VDR: variants seen among roughly 807,000 people sequenced by gnomAD.
The protein encoded by VDR is vitamin D receptor, also known as vitamin D3 receptor.
A neutral mutation model predicts 39.7 loss-of-function variants in VDR; 19 were observed. The ratio of observed to expected loss-of-function variants is 0.48; its 90% CI spans 0.33 to 0.70. The LOEUF (loss-of-function observed/expected upper bound fraction) is 0.70, where lower values mean the gene tolerates loss of function less well. Among genes scored for constraint, VDR ranks in the 30% least tolerant of loss-of-function variants. The probability of loss-of-function intolerance (pLI) is 0.02; values close to 1 mark genes in which losing one functional copy is unlikely to be tolerated. For missense variants in VDR, 442 were observed against 570.5 expected (o/e 0.77, Z 2.29); for synonymous variants, 242 against 215.8 (o/e 1.12, Z -1.07).
intron 1 of VDR, chr12:47,904,529 C>T (rs1352691312): frequency 2.0e-6 from 3 of 1,504,074 alleles, no homozygotes; most frequent in African/African-American, 1.4e-5. Context: ...GTGACCATAC[C>T]TGGGCCCTGT....
At position 47,857,487 on chromosome 12, in the gene VDR, C is replaced by T. The variant is rs778740290; in HGVS notation, c.462+17G>A. 2 of 1,614,164 alleles carry T rather than the reference C, an allele frequency of 1.2e-6. No individual in the cohort carries two copies. The highest frequency in any genetic ancestry group is 4.5e-5 in the East Asian group (2 of 44,880). ...TTCTCCTCTGGACCGGCTCATCCTCCCAGCAGGCAGACATACCCGGAACTG... is the reference window on the plus strand; with the variant it reads ...TTCTCCTCTGGACCGGCTCATCCTCTCAGCAGGCAGACATACCCGGAACTG... On this transcript the variant is annotated intron_variant, in intron 5 of 9. Transcript: ENST00000549336.
At chr12:47,855,339 AAAATAAAT>A (rs11574093) in intron 7 of VDR, among the ~76,000 whole-genome samples, 124 of 146,546 alleles carry the variant, frequency 8.5e-4, no homozygotes, top group Middle Eastern at 3.4e-3. Flanking sequence ...AAAAAAAATA[AAAATAAAT>A]AAATAAATAA....
At chr12:47,883,973 GGAGGTGTCTGCT>G (rs1230988513) in intron 1 of VDR, among the ~76,000 whole-genome samples, 1 of 152,248 alleles carries the variant, frequency 6.6e-6, no homozygotes, top group Non-Finnish European at 1.5e-5. Context: ...ATGGGCAGTG[GGAGGTGTCTGCT>G]GAGGACAGGC....
At chr12:47,869,049 C>T (rs1430385065) in intron 3 of VDR, among the ~76,000 whole-genome samples, 1 of 152,254 alleles carries the variant, frequency 6.6e-6, no homozygotes, top group Non-Finnish European at 1.5e-5. Flanking sequence ...AGGGAGCCTG[C>T]CTTTGACCCT....
Position 47,844,660 on chromosome 12 carries a change from G to A in VDR, c.*86C>T, listed in dbSNP as rs1045904284. On this transcript the variant is annotated 3_prime_UTR_variant, in exon 10 of 10. Transcript: ENST00000549336. ...GGCTGAACCCCAGACGGGGTGAGGA[G>A]GGCTGCTGAGTAGCCGCCAGCCCCG... 10 of 1,584,500 alleles carry A rather than the reference G, an allele frequency of 6.3e-6. No homozygotes were observed. Among genetic ancestry groups the A allele is most frequent in the Admixed American group, 5.0e-5 (3 of 59,514 alleles).
rs12812972 is a variant in VDR at position 47,904,994 on chromosome 12, C to G, written c.-123G>C. 5.8e-6 allele frequency: 1 copy of G among 171,688 alleles called. No homozygotes were observed. The highest frequency in any genetic ancestry group is 1.3e-4 in the South Asian group (1 of 7,882). 10.6% of individuals were successfully genotyped at this position (171,688 alleles called of 1,614,324 possible). A position where few individuals can be genotyped will look rare whatever the true frequency, so the allele number is the denominator to read the frequency against. On this transcript the variant is annotated 5_prime_UTR_variant, in exon 1 of 10. Coordinates refer to ENST00000549336, the MANE Select transcript of VDR (RefSeq NM_000376.3). The stretch of plus-strand genomic sequence containing the variant: ...GGGTGGACAAGCTGTTCCGCGCTCC[C>G]GGCGCACACGGCTCCGCTGCCGCCT...
chr12:47,890,276 G>A (rs1946342795), intron 1 of VDR, among the ~76,000 whole-genome samples: 1 of 150,544 alleles, frequency 6.6e-6, no homozygotes, highest in Non-Finnish European at 1.5e-5. Flanking sequence ...CCACATGAGG[G>A]ACTATTTCAA....
rs375915983 is a variant in VDR at position 47,899,497 on chromosome 12, T to C, written c.-84+5458A>G. ...AAATAACTTGCCCAAGGTCACAAGC[T>C]ACAAAGCGACCTCGCCAAGATTTGA... On this transcript the variant is annotated intron_variant, in intron 1 of 9. Transcript: ENST00000549336. Among the ~76,000 whole-genome samples the C allele has an allele frequency of 1.3e-4, 20 of 152,366 alleles. No homozygotes were observed. In the East Asian group the frequency reaches 2.9e-3, roughly 22 times the overall value.
chr12:47,882,627 C>CGGGGG, intron 2 of VDR, 67 bp downstream of exon 2: 2 of 562,064 alleles, frequency 3.6e-6, no homozygotes, highest in East Asian at 3.6e-5. Flanking sequence ...TCTTATGCCC[C>CGGGGG]TCCCCCCCAC....
chr12:47,885,753 G>C (rs1162400543), intron 1 of VDR, among the ~76,000 whole-genome samples: 1 of 152,228 alleles, frequency 6.6e-6, no homozygotes, highest in East Asian at 1.9e-4. Context: ...CTAGAGTGCA[G>C]TTGCACAATC....
chr12:47,874,675 CGAT>C (rs1945964713), intron 3 of VDR, among the ~76,000 whole-genome samples: 1 of 152,184 alleles, frequency 6.6e-6, no homozygotes, highest in Non-Finnish European at 1.5e-5. Flanking sequence ...AGCAGGCAAA[CGAT>C]GACCTGTTTC....
chr12:47,863,675 C>T (rs1945669589), intron 4 of VDR, among the ~76,000 whole-genome samples: 1 of 152,306 alleles, frequency 6.6e-6, no homozygotes, highest in African/African-American at 2.4e-5. Context: ...AGGGTAGGAG[C>T]GACCAGCGTG....
intron 4 of VDR, among the ~76,000 whole-genome samples, chr12:47,859,970 TCTTTCTTTCTTTC>T: frequency 7.1e-6 from 1 of 141,570 alleles, no homozygotes; most frequent in African/African-American, 2.9e-5. Flanking sequence ...TTTCTTTCTT[TCTTTCTTTCTTTC>T]ACAGACTCTC....
chr12:47,882,197 C>T (rs1161342222), intron 2 of VDR, among the ~76,000 whole-genome samples: 2 of 152,104 alleles, frequency 1.3e-5, no homozygotes, highest in African/African-American at 4.8e-5. Context: ...GCTGGAAAGG[C>T]TGGATCAAGC....
intron 1 of VDR, among the ~76,000 whole-genome samples, chr12:47,897,974 G>A (rs1272981600): frequency 1.3e-5 from 2 of 152,266 alleles, no homozygotes; most frequent in East Asian, 3.9e-4. Flanking sequence ...CAAAACTGAT[G>A]CCCAAGGAAA....
intron 7 of VDR, among the ~76,000 whole-genome samples, chr12:47,854,502 T>C (rs1945445097): frequency 6.6e-6 from 1 of 152,256 alleles, no homozygotes; most frequent in Non-Finnish European, 1.5e-5. Flanking sequence ...CTCTCCAGGA[T>C]TCCTAGACTG....
At chr12:47,863,615 C>G (rs1945668709) in intron 4 of VDR, among the ~76,000 whole-genome samples, 2 of 152,218 alleles carry the variant, frequency 1.3e-5, no homozygotes, top group African/African-American at 4.8e-5. Context: ...CCAGCCTCCA[C>G]TTCTTATTCT....
At chr12:47,856,240 C>A (rs1380136701) in intron 6 of VDR, among the ~76,000 whole-genome samples, 2 of 152,148 alleles carry the variant, frequency 1.3e-5, no homozygotes, top group Non-Finnish European at 2.9e-5. Context: ...TTAGGCAATG[C>A]CTATGAGGGC....
chr12:47,883,161 A>G (rs1011602211), intron 1 of VDR, among the ~76,000 whole-genome samples: 12 of 152,130 alleles, frequency 7.9e-5, no homozygotes, highest in Non-Finnish European at 1.8e-4. Context: ...CTCCATCTCC[A>G]GATTGTAGGC....
Sources: gnomAD v4.1 joint callset for allele counts (sites outside exome capture counted in the v4.1 genomes callset) on GRCh38, gnomAD v4.1.1 for gene constraint, MANE v1.5 for transcripts, NCBI Gene and HGNC (gene_info 2026-07-23, HGNC 2026-07-21) for gene names.